Variants in HTR7 observed in about 807,000 individuals in gnomAD.
HTR7 encodes the protein 5-hydroxytryptamine receptor 7.
A neutral mutation model predicts 34.0 loss-of-function variants in HTR7; 16 were observed. The ratio of observed to expected loss-of-function variants is 0.47; its 90% CI spans 0.32 to 0.71. The LOEUF (loss-of-function observed/expected upper bound fraction) is 0.71, where lower values mean the gene tolerates loss of function less well. Among genes scored for constraint, HTR7 ranks in the 30% least tolerant of loss-of-function variants. The probability of loss-of-function intolerance (pLI) is 0.04; values close to 1 mark genes in which losing one functional copy is unlikely to be tolerated. For missense variants in HTR7, 504 were observed against 625.5 expected, an observed-to-expected ratio of 0.81 and a Z score of 2.07; for synonymous variants, 265 against 260.2, an observed-to-expected ratio of 1.02 and a Z score of -0.18.
intron 1 of HTR7, among the ~76,000 whole-genome samples, chr10:90,820,244 G>T (rs183622905): frequency 6.6e-6 from 1 of 152,182 alleles, no homozygotes; most frequent in Non-Finnish European, 1.5e-5. Context: ...AAATAATAAA[G>T]ATTTTTAGGT....
At chr10:90,831,462 TG>T (rs1407141712) in intron 1 of HTR7, among the ~76,000 whole-genome samples, 1 of 152,126 alleles carries the variant, frequency 6.6e-6, no homozygotes, top group Admixed American at 6.5e-5. Flanking sequence ...AAATCTTCGC[TG>T]TGAGTGTTAC....
intron 1 of HTR7, among the ~76,000 whole-genome samples, chr10:90,802,995 CCT>C (rs1845652360): frequency 1.6e-5 from 2 of 124,668 alleles, no homozygotes; most frequent in African/African-American, 6.3e-5. Flanking sequence ...CCATTTGTGG[CCT>C]TTTTTTTTTT....
intron 2 of HTR7, among the ~76,000 whole-genome samples, chr10:90,744,742 T>C (rs1844608380): frequency 6.6e-6 from 1 of 152,088 alleles, no homozygotes; most frequent in African/African-American, 2.4e-5. Context: ...GGAGGCAAAA[T>C]TACTCCTGAT....
chr10:90,793,410 G>A (rs1354218400), intron 1 of HTR7, among the ~76,000 whole-genome samples: 1 of 150,498 alleles, frequency 6.6e-6, no homozygotes, highest in Non-Finnish European at 1.5e-5. Context: ...AATGCAAGAA[G>A]AGTTTAATAT....
Position 90,741,500 on chromosome 10 carries a change from C to T in HTR7, c.*982G>A, listed in dbSNP as rs1226176141. The T allele has an allele frequency of 6.6e-6, 1 of 152,154 alleles. No individual in the cohort carries two copies. The highest frequency in any genetic ancestry group is 1.5e-5 in the Non-Finnish European group (1 of 68,014). The allele number at this position is 152,154 out of a possible 1,614,324, so 9.4% of individuals were successfully genotyped here. ...TTCCCAAGAGTGGTCCAGGTGACCT[C>T]GCTTCACACAATTTGGTTTAACACA... On this transcript the variant is annotated 3_prime_UTR_variant, in exon 4 of 4. Coordinates refer to ENST00000336152, the MANE Select transcript of HTR7 (RefSeq NM_019859.4).
chr10:90,816,951 C>T (rs146781181), intron 1 of HTR7, among the ~76,000 whole-genome samples: 1 of 152,340 alleles, frequency 6.6e-6, no homozygotes, highest in East Asian at 1.9e-4. Flanking sequence ...AGTGCCTGCC[C>T]TCTATGCCAT....
At chr10:90,747,426 C>CT (rs370173210) in intron 2 of HTR7, among the ~76,000 whole-genome samples, 95 of 152,234 alleles carry the variant, frequency 6.2e-4, no homozygotes, top group African/African-American at 2.3e-3. Context: ...TTTAATGCTA[C>CT]TTTTTATATT....
At position 90,857,486 on chromosome 10, in the gene HTR7, C is replaced by T; in HGVS notation, c.186G>A (p.Ala62=). The change falls in exon 1 of 4, where the codon GCG becomes GCA. Residue 62 remains alanine, a synonymous_variant. Coordinates refer to ENST00000336152, the MANE Select transcript of HTR7 (RefSeq NM_019859.4). The surrounding 1 kb of genome is among the most constrained non-coding windows in gnomAD (Gnocchi z 6.5). The part of the protein sequence containing the change: ...VTASPAPTWD[A]PPDNASGCGE... The stretch of plus-strand genomic sequence containing the variant: ...CACAGCCGGAGGCATTGTCCGGGGG[C>T]GCGTCCCAGGTGGGCGCCGGGCTGG... 1.2e-6 allele frequency: 2 copies of T among 1,613,396 alleles called. No individual in the cohort carries two copies.
chr10:90,800,515 T>C (rs1179908349), intron 1 of HTR7, among the ~76,000 whole-genome samples: 1 of 150,052 alleles, frequency 6.7e-6, no homozygotes, highest in African/African-American at 2.4e-5. Context: ...ACTAGTCCTT[T>C]CAAAAGACTA....
chr10:90,830,954 G>A (rs1014646087), intron 1 of HTR7, among the ~76,000 whole-genome samples: 2 of 152,170 alleles, frequency 1.3e-5, no homozygotes, highest in African/African-American at 2.4e-5. Context: ...AGGTCAGTCC[G>A]GTGCACCTTC....
intron 1 of HTR7, among the ~76,000 whole-genome samples, chr10:90,833,096 T>C (rs2120060852): frequency 6.6e-6 from 1 of 152,092 alleles, no homozygotes; most frequent in East Asian, 1.9e-4. Flanking sequence ...CATTCTCTGG[T>C]AGTTGTGAGG....
intron 1 of HTR7, among the ~76,000 whole-genome samples, chr10:90,843,585 AAAG>A (rs1846362913): frequency 6.6e-6 from 1 of 152,354 alleles, no homozygotes; most frequent in African/African-American, 2.4e-5. Context: ...CAAGGAACTG[AAAG>A]AAGACCAGAA....
At chr10:90,838,375 G>A (rs1424278718) in intron 1 of HTR7, among the ~76,000 whole-genome samples, 2 of 152,066 alleles carry the variant, frequency 1.3e-5, no homozygotes, top group African/African-American at 4.8e-5. Context: ...AGACAGATCC[G>A]GAATTTCTCC....
At chr10:90,842,681 G>C (rs1231818282) in intron 1 of HTR7, among the ~76,000 whole-genome samples, 12 of 151,450 alleles carry the variant, frequency 7.9e-5, no homozygotes, top group East Asian at 2.0e-4. Flanking sequence ...TTCTTTCTGG[G>C]ATGTGTGGCC....
chr10:90,832,463 T>C (rs1846193421), intron 1 of HTR7, among the ~76,000 whole-genome samples: 1 of 152,144 alleles, frequency 6.6e-6, no homozygotes, highest in Non-Finnish European at 1.5e-5. Context: ...GCCAGCCGGC[T>C]GCTCCGAGTG....
At chr10:90,795,843 G>A (rs1845529732) in intron 1 of HTR7, among the ~76,000 whole-genome samples, 1 of 152,144 alleles carries the variant, frequency 6.6e-6, no homozygotes, top group African/African-American at 2.4e-5. Flanking sequence ...GGGATCTGTG[G>A]GGGTTGAGGG....
At chr10:90,744,459 C>G (rs1480902352) in intron 2 of HTR7, among the ~76,000 whole-genome samples, 1 of 151,704 alleles carries the variant, frequency 6.6e-6, no homozygotes, top group African/African-American at 2.4e-5. Flanking sequence ...CAGTCTTGAC[C>G]ATTTTGATGA....
Position 90,749,426 on chromosome 10 carries a change from G to T in HTR7, c.708C>A (p.Asp236Glu). 1.9e-6 allele frequency: 3 copies of T among 1,614,178 alleles called. No individual in the cohort carries two copies. The highest frequency in any genetic ancestry group is 2.5e-6 in the Non-Finnish European group (3 of 1,180,006). The change falls in exon 2 of 4, where the codon GAC becomes GAA. Residue 236 changes from aspartate (D) to glutamate (E), a missense_variant. By Grantham distance (45) the Asp-to-Glu change is conservative. Transcript: ENST00000336152. The surrounding 1 kb of genome is among the most constrained non-coding windows in gnomAD (Gnocchi z 4.2). ...CGGTAGAGTAAATCGTATAGCCAAA[G>T]TCCTGGCTGATCAAGCACACCTTAT... The part of the protein sequence containing the change: ...NDDKVCLISQ[D>E]FGYTIYSTAV...
At chr10:90,847,022 T>C (rs907786919) in intron 1 of HTR7, among the ~76,000 whole-genome samples, 2 of 152,236 alleles carry the variant, frequency 1.3e-5, no homozygotes, top group Admixed American at 1.3e-4. Context: ...CTCCTTTGAC[T>C]GGAATGTTCC....
Sources: gnomAD v4.1 joint callset for allele counts (sites outside exome capture counted in the v4.1 genomes callset) on GRCh38, gnomAD v4.1.1 for gene constraint, Gnocchi (gnomAD v3.1) non-coding constraint, MANE v1.5 for transcripts, NCBI Gene and HGNC (gene_info 2026-07-23, HGNC 2026-07-21) for gene names.